NBEA: variants seen among roughly 807,000 people sequenced by gnomAD.
NBEA encodes the protein neurobeachin.
A neutral mutation model predicts 343.4 loss-of-function variants in NBEA; 44 were observed. The ratio of observed to expected loss-of-function variants is 0.13; its 90% CI spans 0.10 to 0.16. The LOEUF (loss-of-function observed/expected upper bound fraction) is 0.16. Among genes scored for constraint, NBEA ranks in the 10% least tolerant of loss-of-function variants. NBEA has a pLI of 1.00. For missense variants in NBEA, 2,555 were observed against 3,631.3 expected, an observed-to-expected ratio of 0.70 and a Z score of 7.62; for synonymous variants, 1,175 against 1,238.7, an observed-to-expected ratio of 0.95 and a Z score of 1.08.
chr13:35,065,844 T>C (rs1396559998), intron 8 of NBEA, among the ~76,000 whole-genome samples: 5 of 152,188 alleles, frequency 3.3e-5, no homozygotes, highest in Non-Finnish European at 4.4e-5. Flanking sequence ...CTTTATATTA[T>C]TGATTTCTAA....
chr13:35,085,380 C>G (rs2064692995), intron 10 of NBEA, among the ~76,000 whole-genome samples: 1 of 152,114 alleles, frequency 6.6e-6, no homozygotes. Flanking sequence ...AAAAGCTTAT[C>G]CACCACGATC....
chr13:35,349,186 C>A lies in NBEA; in HGVS notation c.5982C>A (p.Ala1994=). The A allele has an allele frequency of 1.2e-6, 2 of 1,603,052 alleles. No individual in the cohort carries two copies. Among genetic ancestry groups the A allele is most frequent in the South Asian group, 1.1e-5 (1 of 89,308 alleles). Residue 1994 remains alanine, a synonymous_variant, in exon 37 of 59, where the codon GCC becomes GCA. Transcript: ENST00000379939. The part of the protein sequence containing the change: ...EAEFILNRQR[A]EDVHKHAEFE... ...AGTTTATTTTGAACAGACAAAGAGC[C>A]GAGGATGTACATAAACATGCAGAGT...
At chr13:35,032,150 C>T (rs971412525) in intron 1 of NBEA, among the ~76,000 whole-genome samples, 1 of 151,568 alleles carries the variant, frequency 6.6e-6, no homozygotes, top group African/African-American at 2.4e-5. Context: ...ATTTGTATTC[C>T]TCTGGATATA....
intron 41 of NBEA, among the ~76,000 whole-genome samples, chr13:35,522,696 T>C (rs2077777665): frequency 6.6e-6 from 1 of 151,812 alleles, no homozygotes; most frequent in Non-Finnish European, 1.5e-5. Flanking sequence ...GAGCTCCACC[T>C]CCTGTCAGAT....
At chr13:35,283,625 A>C (rs1293756803) in intron 34 of NBEA, among the ~76,000 whole-genome samples, 2 of 152,328 alleles carry the variant, frequency 1.3e-5, no homozygotes, top group African/African-American at 4.8e-5. Context: ...AAGAAAGGTA[A>C]TAAGTGCATA....
chr13:35,090,793 A>G (rs1294762995), intron 10 of NBEA, among the ~76,000 whole-genome samples: 1 of 151,924 alleles, frequency 6.6e-6, no homozygotes, highest in Non-Finnish European at 1.5e-5. Context: ...TACTCAATGC[A>G]AGAAAAACAC....
intron 11 of NBEA, 63 bp downstream of exon 11, chr13:35,098,468 A>T (rs990090188): frequency 8.1e-7 from 1 of 1,237,794 alleles, no homozygotes; most frequent in African/African-American, 1.5e-5. Context: ...GTTAATCACT[A>T]ATTTTTTTTT....
chr13:34,991,921 G>A (rs150587809), intron 1 of NBEA, among the ~76,000 whole-genome samples: 19 of 148,708 alleles, frequency 1.3e-4, no homozygotes, highest in African/African-American at 4.4e-4. Context: ...TATATTTTGG[G>A]TGTAGGAATT....
chr13:35,269,347 A>T (rs1250034132), intron 34 of NBEA, among the ~76,000 whole-genome samples: 2 of 152,182 alleles, frequency 1.3e-5, no homozygotes, highest in African/African-American at 2.4e-5. Context: ...GTATCTAGGA[A>T]AAAACAACTT....
At position 35,484,270 on chromosome 13, in the gene NBEA, G is replaced by GTA. The variant is rs1203247087; in HGVS notation, c.6585+11735_6585+11736insAT. Among the ~76,000 whole-genome samples the GTA allele has an allele frequency of 3.1e-4, 38 of 121,982 alleles. 1 individual carries two copies. Among genetic ancestry groups the GTA allele is most frequent in the South Asian group, 8.1e-4 (3 of 3,724 alleles). The allele number at this position is 121,982 out of a possible 152,430, so 80.0% of individuals were successfully genotyped here. A position where few individuals can be genotyped will look rare whatever the true frequency, so the allele number is the denominator to read the frequency against. On this transcript the variant is annotated intron_variant, in intron 41 of 58. Transcript: ENST00000379939. Reference sequence around the variant, plus strand: ...TGTGTGTGTGTGTGTGTGTGTGTGTGTGTGTATATATATATATATATATGT... The same window carrying GTA: ...TGTGTGTGTGTGTGTGTGTGTGTGTGTATGTGTATATATATATATATATATGT...
intron 41 of NBEA, among the ~76,000 whole-genome samples, chr13:35,503,240 C>T (rs941351482): frequency 6.6e-6 from 1 of 150,902 alleles, no homozygotes; most frequent in African/African-American, 2.4e-5. Context: ...ATAGTGTAGT[C>T]AATATATAAT....
chr13:35,040,189 T>C (rs1454159409), intron 1 of NBEA, among the ~76,000 whole-genome samples: 1 of 152,140 alleles, frequency 6.6e-6, no homozygotes, highest in Non-Finnish European at 1.5e-5. Flanking sequence ...ATAGTTCCTA[T>C]GGGATTCGAT....
Position 35,354,198 on chromosome 13 carries a change from C to T in NBEA, c.6179+1875C>T, listed in dbSNP as rs142355700. The stretch of plus-strand genomic sequence containing the variant: ...CTAGCCAGGTTGACATAAAATTTAA[C>T]CATGAAACACACTAACAATAACCTG... On this transcript the variant is annotated intron_variant, in intron 38 of 58. Coordinates refer to ENST00000379939, the MANE Select transcript of NBEA (RefSeq NM_001385012.1). 5.7e-3 allele frequency among the ~76,000 whole-genome samples: 863 copies of T among 152,286 alleles called. 10 individuals carry two copies. The highest frequency in any genetic ancestry group is 0.02 in the African/African-American group (822 of 41,560).
At chr13:35,460,871 G>A (rs1482964829) in intron 40 of NBEA, among the ~76,000 whole-genome samples, 1 of 152,200 alleles carries the variant, frequency 6.6e-6, no homozygotes, top group East Asian at 1.9e-4. Flanking sequence ...GAAGTCCAAG[G>A]TCAAAGGGCT....
At chr13:35,421,119 G>A (rs1052322161) in intron 38 of NBEA, among the ~76,000 whole-genome samples, 11 of 151,706 alleles carry the variant, frequency 7.3e-5, no homozygotes, top group African/African-American at 2.7e-4. Flanking sequence ...TATGCATTTA[G>A]TACTATAGAT....
intron 38 of NBEA, among the ~76,000 whole-genome samples, chr13:35,407,208 A>C (rs1594515482): frequency 6.6e-6 from 1 of 150,694 alleles, no homozygotes; most frequent in South Asian, 2.1e-4. Context: ...CCAGGGATCC[A>C]CCTGCCTCAG....
chr13:35,112,025 T>A (rs2066239772), intron 13 of NBEA, among the ~76,000 whole-genome samples: 1 of 150,146 alleles, frequency 6.7e-6, no homozygotes. Context: ...CATGCCGTTC[T>A]CCTGCCTCAG....
In NBEA at chr13:35,352,145, A is replaced by G. The variant is rs1174239535; in HGVS notation, c.6013-12A>G. ...AAGTTTATTATTATGCATCATTTGT[A>G]TTTCTTTATAGTCACAGTGTGCCCA... On this transcript the variant is annotated splice_polypyrimidine_tract_variant and intron_variant, in intron 37 of 58. Coordinates refer to ENST00000379939, the MANE Select transcript of NBEA (RefSeq NM_001385012.1). 2.1e-6 allele frequency: 3 copies of G among 1,403,218 alleles called. No homozygotes were observed. Among genetic ancestry groups the G allele is most frequent in the Middle Eastern group, 1.9e-4 (1 of 5,318 alleles). The allele number at this position is 1,403,218 out of a possible 1,614,324, so 86.9% of individuals were successfully genotyped here.
At chr13:35,344,722 TA>T (rs143065638) in intron 36 of NBEA, among the ~76,000 whole-genome samples, 13,316 of 152,040 alleles carry the variant, frequency 0.088, 810 homozygotes, top group African/African-American at 0.18. Flanking sequence ...AACAAAACCC[TA>T]AATAGTTCTT....
Sources: allele counts gnomAD v4.1 joint callset (sites outside exome capture counted in the v4.1 genomes callset), GRCh38; gene constraint gnomAD v4.1.1; transcripts MANE v1.5; gene names NCBI Gene and HGNC (gene_info 2026-07-23, HGNC 2026-07-21).